PIEZO2: variants seen among roughly 807,000 people sequenced by gnomAD.
PIEZO2 encodes piezo type mechanosensitive ion channel component 2, also known as piezo-type mechanosensitive ion channel component 2.
In PIEZO2, 172 loss-of-function variants were observed where a neutral mutation model predicts 337.3. The observed-to-expected ratio is 0.51, with a 90% CI of 0.45 to 0.58. The LOEUF (loss-of-function observed/expected upper bound fraction) is 0.58. Among genes scored for constraint, PIEZO2 ranks in the 20% least tolerant of loss-of-function variants. The pLI is 0.00. For synonymous variants in PIEZO2, 1,251 were observed against 1,228.5 expected (o/e 1.02, Z -0.38); for missense variants, 3,028 against 3,391.3 (o/e 0.89, Z 2.66).
rs909490415 is a variant in PIEZO2, at chr18:11,102,279, G to A, written c.65-36057C>T. Among the ~76,000 whole-genome samples the A allele has an allele frequency of 4.6e-5, 7 of 152,100 alleles. No individual in the cohort carries two copies. The highest frequency in any genetic ancestry group is 1.7e-4 in the African/African-American group (7 of 41,412). ...TATCCAGTGAGCTTAATCTTCCCTTGCCCTGCGATAAAAACCTGGCACATC... is the reference window on the plus strand; with the variant it reads ...TATCCAGTGAGCTTAATCTTCCCTTACCCTGCGATAAAAACCTGGCACATC... On this transcript the variant is annotated intron_variant, in intron 1 of 55. Coordinates refer to ENST00000674853, the MANE Select transcript of PIEZO2 (RefSeq NM_001378183.1). This position sits in a 1 kb window ranked among gnomAD's most constrained non-coding sequence, Gnocchi z 5.7.
rs371789333 is a variant in PIEZO2, at chr18:11,018,052, G to T, written c.161-38392C>A. 3.9e-5 allele frequency among the ~76,000 whole-genome samples: 6 copies of T among 152,208 alleles called. No individual in the cohort carries two copies. In the East Asian group the frequency reaches 1.2e-3, roughly 29 times the overall value. On this transcript the variant is annotated intron_variant, in intron 2 of 55. Coordinates refer to ENST00000674853, the MANE Select transcript of PIEZO2 (RefSeq NM_001378183.1). ...TGGTGGCTAAAAGTCTGCAATTAAGGTGTCAGCAGGGCCCTGCTCCCCGAG... is the reference window on the plus strand; with the variant it reads ...TGGTGGCTAAAAGTCTGCAATTAAGTTGTCAGCAGGGCCCTGCTCCCCGAG...
At position 10,704,575 on chromosome 18, in the gene PIEZO2, G is replaced by A; in HGVS notation, c.6077C>T (p.Ala2026Val). ...GQPRFLLLFY[A>V]MYNTLVARSE... ...GCGGGCCACCAGGGTATTGTACATG[G>A]CATAGAAGAGCAGCAGAAATCGGGG... The change falls in exon 42 of 56, where the codon GCC becomes GTC. Residue 2026 changes from alanine (A) to valine (V), a missense_variant. By Grantham distance (64) the Ala-to-Val change is moderately conservative. This residue lies in a region of PIEZO2 where 1,925 missense variants were observed against 2,051.9 expected (regional missense o/e 0.94). Transcript: ENST00000674853. 6.5e-7 allele frequency: 1 copy of A among 1,537,270 alleles called. No individual in the cohort carries two copies. Among genetic ancestry groups the A allele is most frequent in the Non-Finnish European group, 8.7e-7 (1 of 1,146,906 alleles).
chr18:10,984,187 G>T (rs2034782686), intron 2 of PIEZO2, among the ~76,000 whole-genome samples: 1 of 151,958 alleles, frequency 6.6e-6, no homozygotes, highest in Non-Finnish European at 1.5e-5. Context: ...AGAACATGAA[G>T]ATTCAAGAAA....
chr18:10,984,206 TC>T lies in PIEZO2; in HGVS notation c.161-4547del, dbSNP rs2034782907. Reference sequence around the variant, plus strand: ...CATGAAGATTCAAGAAAATATGACATCACCAAAGGAACAAAATACAGCTCTA... The same window carrying T: ...CATGAAGATTCAAGAAAATATGACATACCAAAGGAACAAAATACAGCTCTA... On this transcript the variant is annotated intron_variant, in intron 2 of 55. Transcript: ENST00000674853. Among the ~76,000 whole-genome samples the T allele has an allele frequency of 1.3e-5, 2 of 151,872 alleles. 1 individual carries two copies. Among genetic ancestry groups the T allele is most frequent in the South Asian group, 4.2e-4 (2 of 4,816 alleles).
chr18:10,807,784 G>T (rs1452075268), intron 7 of PIEZO2, among the ~76,000 whole-genome samples: 1 of 140,368 alleles, frequency 7.1e-6, no homozygotes, highest in African/African-American at 2.7e-5. Flanking sequence ...CAAATATACA[G>T]TAAAATTTCT....
intron 7 of PIEZO2, among the ~76,000 whole-genome samples, chr18:10,843,358 T>C (rs2041252405): frequency 6.6e-6 from 1 of 152,134 alleles, no homozygotes; most frequent in African/African-American, 2.4e-5. Flanking sequence ...TAAGTAATTG[T>C]TTTATTTCAG....
intron 32 of PIEZO2, among the ~76,000 whole-genome samples, chr18:10,741,501 T>G (rs1339516979): frequency 1.3e-5 from 2 of 152,200 alleles, no homozygotes; most frequent in African/African-American, 4.8e-5. Context: ...ATAAGCAGAA[T>G]TTTTTCTTGT....
At chr18:10,699,825 G>C (rs1033777650) in intron 43 of PIEZO2, among the ~76,000 whole-genome samples, 2 of 152,162 alleles carry the variant, frequency 1.3e-5, no homozygotes. Flanking sequence ...TGATGACCTT[G>C]CTGCTGTTGG....
chr18:11,024,065 G>A (rs949692715), intron 2 of PIEZO2, among the ~76,000 whole-genome samples: 19 of 151,924 alleles, frequency 1.3e-4, no homozygotes, highest in African/African-American at 3.9e-4. Flanking sequence ...AGCTGGCTCC[G>A]GCCTTGGCCA....
chr18:11,035,786 T>C lies in PIEZO2; in HGVS notation c.160+30341A>G, dbSNP rs2036907347. ...GCTAAACAGGTGCAGCACATATTTGTAAATAAGCCAACTCCTAAAATAATA... is the reference window on the plus strand; with the variant it reads ...GCTAAACAGGTGCAGCACATATTTGCAAATAAGCCAACTCCTAAAATAATA... On this transcript the variant is annotated intron_variant, in intron 2 of 55. Transcript: ENST00000674853. This position sits in a 1 kb window ranked among gnomAD's most constrained non-coding sequence, Gnocchi z 4.3. Among the ~76,000 whole-genome samples the C allele has an allele frequency of 6.6e-6, 1 of 152,204 alleles. No homozygotes were observed. Among genetic ancestry groups the C allele is most frequent in the East Asian group, 1.9e-4 (1 of 5,198 alleles).
Position 10,800,330 on chromosome 18 carries a change from C to A in PIEZO2, c.1378+7G>T. ...AATGCGACCCTGAGTGCAGGGCTGGCTCCTACCTGAGGATTCATCAGAGGG... is the reference window on the plus strand; with the variant it reads ...AATGCGACCCTGAGTGCAGGGCTGGATCCTACCTGAGGATTCATCAGAGGG... On this transcript the variant is annotated splice_region_variant and intron_variant, in intron 11 of 55. Transcript: ENST00000674853. 8 of 1,533,212 alleles carry A rather than the reference C, an allele frequency of 5.2e-6. No homozygotes were observed. The highest frequency in any genetic ancestry group is 7.0e-6 in the Non-Finnish European group (8 of 1,145,118). The allele number at this position is 1,533,212 out of a possible 1,614,324, so 95.0% of individuals were successfully genotyped here.
At chr18:10,772,221 C>A (rs541478371) in intron 20 of PIEZO2, among the ~76,000 whole-genome samples, 1 of 152,112 alleles carries the variant, frequency 6.6e-6, no homozygotes, top group Non-Finnish European at 1.5e-5. Context: ...TAGAACATGT[C>A]CCCCAAGGCT....
chr18:11,030,482 A>G (rs544989986), intron 2 of PIEZO2, among the ~76,000 whole-genome samples: 1 of 152,218 alleles, frequency 6.6e-6, no homozygotes, highest in African/African-American at 2.4e-5. Flanking sequence ...CAAAGGAGTG[A>G]CTTGCCCAAG....
intron 49 of PIEZO2, among the ~76,000 whole-genome samples, chr18:10,685,886 T>A (rs2034526166): frequency 6.6e-6 from 1 of 152,210 alleles, no homozygotes; most frequent in Non-Finnish European, 1.5e-5. Flanking sequence ...AGATTGCGCC[T>A]TACTGGCCTC....
At chr18:10,732,041 G>GA (rs888917801) in intron 35 of PIEZO2, among the ~76,000 whole-genome samples, 4 of 151,818 alleles carry the variant, frequency 2.6e-5, no homozygotes, top group Admixed American at 6.6e-5. Flanking sequence ...ACTTTGCGAG[G>GA]AAAAAAAATG....
intron 7 of PIEZO2, among the ~76,000 whole-genome samples, chr18:10,839,303 C>T (rs1039698280): frequency 6.6e-6 from 1 of 152,170 alleles, no homozygotes; most frequent in African/African-American, 2.4e-5. Context: ...GGGATAGTTC[C>T]ATTACAGGAC....
chr18:11,085,460 C>G (rs1335487383), intron 1 of PIEZO2, among the ~76,000 whole-genome samples: 1 of 152,148 alleles, frequency 6.6e-6, no homozygotes, highest in East Asian at 1.9e-4. Flanking sequence ...TCTTCCTTCC[C>G]CCTGTAACGT....
At chr18:10,734,277 G>A (rs1041535395) in intron 35 of PIEZO2, among the ~76,000 whole-genome samples, 3 of 152,162 alleles carry the variant, frequency 2.0e-5, no homozygotes, top group African/African-American at 7.2e-5. Context: ...TAAAAAACAG[G>A]ATCCTGGCAT....
chr18:10,841,551 A>G (rs143546627), intron 7 of PIEZO2, among the ~76,000 whole-genome samples: 74 of 152,296 alleles, frequency 4.9e-4, no homozygotes, highest in African/African-American at 1.7e-3. Flanking sequence ...ATTCAATGTG[A>G]GGAAAGAAAA....
Sources: allele counts gnomAD v4.1 joint callset (sites outside exome capture counted in the v4.1 genomes callset), GRCh38; gene constraint gnomAD v4.1.1; regional missense constraint gnomAD v4.1.1; non-coding constraint Gnocchi (gnomAD v3.1); transcripts MANE v1.5; gene names NCBI Gene and HGNC (gene_info 2026-07-23, HGNC 2026-07-21).